The following FANCC variants were observed in gnomAD, a reference collection of about 807,000 sequenced individuals.
The protein encoded by FANCC is FA complementation group C, also known as Fanconi anemia group C protein.
A neutral mutation model predicts 71.3 loss-of-function variants in FANCC; 55 were observed. The observed-to-expected ratio is 0.77, with a 90% CI of 0.62 to 0.97. The LOEUF (loss-of-function observed/expected upper bound fraction) is 0.97. Ranked by LOEUF, FANCC falls within the 50% of genes least tolerant of loss-of-function variation. FANCC has a pLI of 0.00. For synonymous variants in FANCC, 275 were observed against 244.9 expected (o/e 1.12, Z -1.15); for missense variants, 678 against 670.9 (o/e 1.01, Z -0.12).
chr9:95,107,055 G>A lies in FANCC; in HGVS notation c.1533+11C>T. 1 of 1,614,048 alleles carries A rather than the reference G, an allele frequency of 6.2e-7. No homozygotes were observed. Among genetic ancestry groups the A allele is most frequent in the South Asian group, 1.1e-5 (1 of 91,070 alleles). On this transcript the variant is annotated intron_variant, in intron 14 of 14. Transcript: ENST00000289081. ...ATGAGTACTAGGATGCTGGACCACA[G>A]GGAGACTTACCAGGGTGATGACATC... is the stretch of plus-strand genomic sequence containing the variant.
chr9:95,315,319 G>C (rs1482880282), intron 1 of FANCC, among the ~76,000 whole-genome samples: 1 of 152,202 alleles, frequency 6.6e-6, no homozygotes, highest in African/African-American at 2.4e-5. Flanking sequence ...TCGACCTCCT[G>C]AACTCAGGTG....
intron 4 of FANCC, among the ~76,000 whole-genome samples, chr9:95,219,957 A>C (rs1217076860): frequency 1.3e-5 from 2 of 152,234 alleles, no homozygotes; most frequent in African/African-American, 2.4e-5. Flanking sequence ...AAATTTTTGC[A>C]ATCTAGCCAT....
intron 1 of FANCC, among the ~76,000 whole-genome samples, chr9:95,291,871 C>T (rs1247564178): frequency 6.8e-6 from 1 of 146,314 alleles, no homozygotes; most frequent in African/African-American, 2.5e-5. Context: ...TCTCTTGAAC[C>T]CAGGAGGTGG....
chr9:95,230,224 C>T (rs888106450), intron 4 of FANCC, among the ~76,000 whole-genome samples: 8 of 152,176 alleles, frequency 5.3e-5, no homozygotes, highest in Admixed American at 5.2e-4. Flanking sequence ...TCTGAGGAGC[C>T]AGGGTTCCGT....
At chr9:95,165,156 CTT>C (rs1830991177) in intron 6 of FANCC, among the ~76,000 whole-genome samples, 1 of 151,404 alleles carries the variant, frequency 6.6e-6, no homozygotes, top group South Asian at 2.1e-4. Context: ...GCTATTAAGT[CTT>C]CTCTTTTTTT....
intron 1 of FANCC, among the ~76,000 whole-genome samples, chr9:95,254,253 T>G (rs1179658566): frequency 6.6e-6 from 1 of 152,238 alleles, no homozygotes; most frequent in Non-Finnish European, 1.5e-5. Flanking sequence ...CTTTCTACAA[T>G]TAAAAAATAG....
intron 7 of FANCC, among the ~76,000 whole-genome samples, chr9:95,140,725 A>G (rs900832143): frequency 1.3e-5 from 2 of 152,184 alleles, no homozygotes; most frequent in African/African-American, 4.8e-5. Flanking sequence ...GTTATGGAGA[A>G]TTGCTTACTT....
rs1834229665 is a variant in FANCC, at chr9:95,294,092, C to G, written c.-79+23434G>C. On this transcript the variant is annotated intron_variant, in intron 1 of 14. Transcript: ENST00000289081. ...TCACAGAACATGACAGATAATCAGA[C>G]CCAAACCATAGATTTATTAAGTGAT... is the stretch of plus-strand genomic sequence containing the variant. The G allele has an allele frequency of 2.5e-6, 4 of 1,610,640 alleles. No homozygotes were observed. The South Asian group carries it at 4.4e-5, about 18-fold the overall frequency.
intron 4 of FANCC, among the ~76,000 whole-genome samples, chr9:95,181,115 C>T (rs1826327998): frequency 6.6e-6 from 1 of 151,428 alleles, no homozygotes; most frequent in Non-Finnish European, 1.5e-5. Flanking sequence ...TAACCTTTCT[C>T]TCTCCTCTCT....
At chr9:95,165,800 T>C (rs1455711947) in intron 6 of FANCC, among the ~76,000 whole-genome samples, 2 of 152,054 alleles carry the variant, frequency 1.3e-5, no homozygotes, top group East Asian at 3.8e-4. Flanking sequence ...GTCCAATTGG[T>C]CCACAGCATT....
At chr9:95,151,819 C>CG (rs547664049) in intron 6 of FANCC, among the ~76,000 whole-genome samples, 84 of 150,580 alleles carry the variant, frequency 5.6e-4, no homozygotes, top group East Asian at 4.2e-3. Context: ...TGCAGCTACT[C>CG]GGGGGGGCGG....
At chr9:95,120,736 A>AT (rs903458612) in intron 10 of FANCC, among the ~76,000 whole-genome samples, 4 of 151,964 alleles carry the variant, frequency 2.6e-5, no homozygotes, top group African/African-American at 7.2e-5. Context: ...CCAGGTCTTC[A>AT]TTTTTTTTGT....
At chr9:95,152,442 G>A (rs1830228855) in intron 6 of FANCC, among the ~76,000 whole-genome samples, 1 of 152,186 alleles carries the variant, frequency 6.6e-6, no homozygotes, top group South Asian at 2.1e-4. Context: ...GCAGACAGAT[G>A]AAAAGCAAAA....
chr9:95,259,488 T>C (rs565276970), intron 1 of FANCC, among the ~76,000 whole-genome samples: 1 of 152,294 alleles, frequency 6.6e-6, no homozygotes, highest in South Asian at 2.1e-4. Context: ...CTGCTAGCCA[T>C]ATGCAGAAAA....
intron 6 of FANCC, among the ~76,000 whole-genome samples, chr9:95,151,578 T>C (rs1233715317): frequency 2.0e-5 from 3 of 152,180 alleles, no homozygotes; most frequent in Non-Finnish European, 4.4e-5. Flanking sequence ...GACAGGGCTG[T>C]GGTGCTACCC....
intron 1 of FANCC, among the ~76,000 whole-genome samples, chr9:95,252,744 C>CAA (rs34174200): frequency 0.015 from 819 of 54,856 alleles, 24 homozygotes; most frequent in African/African-American, 0.049. Context: ...GACTCTGTCT[C>CAA]AAAAAAAAAA....
intron 1 of FANCC, among the ~76,000 whole-genome samples, chr9:95,280,998 C>T (rs915282623): frequency 1.3e-5 from 2 of 151,774 alleles, no homozygotes; most frequent in Non-Finnish European, 2.9e-5. Context: ...ATTGAAAATA[C>T]GTAACTAAAG....
At position 95,107,052 on chromosome 9, in the gene FANCC, A is replaced by G. The variant is rs1351055418; in HGVS notation, c.1533+14T>C. On this transcript the variant is annotated intron_variant, in intron 14 of 14. Transcript: ENST00000289081. ...GAAATGAGTACTAGGATGCTGGACC[A>G]CAGGGAGACTTACCAGGGTGATGAC... 1 of 1,613,896 alleles carries G rather than the reference A, an allele frequency of 6.2e-7. No homozygotes were observed. Among genetic ancestry groups the G allele is most frequent in the Admixed American group, 1.7e-5 (1 of 60,006 alleles).
chr9:95,130,635 G>GA (rs1376555242), intron 8 of FANCC, among the ~76,000 whole-genome samples: 2 of 152,174 alleles, frequency 1.3e-5, no homozygotes, highest in Non-Finnish European at 2.9e-5. Flanking sequence ...AGAATCAGCT[G>GA]ATGGGCAGCT....
Sources: gnomAD v4.1 joint callset for allele counts (sites outside exome capture counted in the v4.1 genomes callset) on GRCh38, gnomAD v4.1.1 for gene constraint, MANE v1.5 for transcripts, NCBI Gene and HGNC (gene_info 2026-07-23, HGNC 2026-07-21) for gene names.